TRIOBP: variants seen among roughly 807,000 people sequenced by gnomAD.
The protein encoded by TRIOBP is TRIO and F-actin binding protein.
A neutral mutation model predicts 238.8 loss-of-function variants in TRIOBP; 169 were observed. The observed-to-expected ratio is 0.71, with a 90% confidence interval of 0.62 to 0.80. TRIOBP has a LOEUF of 0.80. Among genes scored for constraint, TRIOBP ranks in the 30% least tolerant of loss-of-function variants. The probability of loss-of-function intolerance (pLI) is 0.00; values close to 1 mark genes in which losing one functional copy is unlikely to be tolerated. For missense variants in TRIOBP, 2,838 were observed against 3,122.6 expected (o/e 0.91, Z 2.17); for synonymous variants, 1,150 against 1,274.4 (o/e 0.90, Z 2.08).
intron 8 of TRIOBP, 23 bp from the exon 9 acceptor site, chr22:37,734,376 C>T: frequency 6.2e-7 from 1 of 1,608,294 alleles, no homozygotes; most frequent in South Asian, 1.1e-5. Context: ...AGAGCCTCAC[C>T]TACCCCCTCA....
At chr22:37,745,899 C>T (rs568603420) in intron 11 of TRIOBP, among the ~76,000 whole-genome samples, 5 of 152,264 alleles carry the variant, frequency 3.3e-5, no homozygotes, top group African/African-American at 1.2e-4. Flanking sequence ...GTGCCCACGC[C>T]CGGCCGCCCG....
chr22:37,773,392 C>T (rs1926881080), intron 23 of TRIOBP, among the ~76,000 whole-genome samples: 1 of 152,074 alleles, frequency 6.6e-6, no homozygotes, highest in Non-Finnish European at 1.5e-5. Flanking sequence ...ATAATTTTTG[C>T]ACTTTTTGTA....
chr22:37,750,306 G>A (rs1345600362), intron 11 of TRIOBP, among the ~76,000 whole-genome samples: 1 of 152,236 alleles, frequency 6.6e-6, no homozygotes, highest in African/African-American at 2.4e-5. Context: ...AGCTCTGTGG[G>A]CCCAGGAAGC....
rs1396658487 is a variant in TRIOBP at position 37,726,295 on chromosome 22, G to A, written c.3739G>A (p.Gly1247Ser). 1.2e-6 allele frequency: 2 copies of A among 1,612,800 alleles called. No individual in the cohort carries two copies. Among genetic ancestry groups the A allele is most frequent in the African/African-American group, 2.7e-5 (2 of 74,936 alleles). Residue 1247 changes from glycine (G) to serine (S), a missense_variant, in exon 7 of 24, where the codon GGC (glycine) becomes AGC (serine). Coordinates refer to ENST00000644935, the MANE Select transcript of TRIOBP (RefSeq NM_001039141.3). ...LAFLAPSPSP[G>S]SSGGSRGSAP... is the part of the protein sequence containing the mutation. ...GTTCCTGGCACCCTCACCTTCACCG[G>A]GCAGCTCTGGGGGCTCCCGGGGCTC...
At position 37,771,951 on chromosome 22, in the gene TRIOBP, T is replaced by A. The variant is rs1013739890; in HGVS notation, c.6936+215T>A. The A allele has an allele frequency of 8.9e-6, 6 of 673,978 alleles. No individual in the cohort carries two copies. The African/African-American group carries it at 1.1e-4, about 12-fold the overall frequency. 41.7% of individuals were successfully genotyped at this position (673,978 alleles called of 1,614,324 possible). A position where few individuals can be genotyped will look rare whatever the true frequency, so the allele number is the denominator to read the frequency against. ...GACTTCCCCAAGGCTGTACTTGGCT[T>A]CTGTTTATTTAGCATTATTTAATTT... On this transcript the variant is annotated intron_variant, in intron 22 of 23. Transcript: ENST00000644935.
intron 16 of TRIOBP, 40 bp from the exon 17 acceptor site, chr22:37,759,114 C>G: frequency 6.5e-7 from 1 of 1,547,916 alleles, no homozygotes; most frequent in Non-Finnish European, 8.8e-7. Context: ...CAGCCCTGCC[C>G]CAGCTTCCAG....
At chr22:37,710,359 G>A (rs1923171425) in intron 3 of TRIOBP, 68 bp from the exon 4 acceptor site, 1 of 1,603,620 alleles carries the variant, frequency 6.2e-7, no homozygotes, top group South Asian at 1.1e-5. Context: ...CACCGGGAGG[G>A]GCTGTGCAGG....
intron 3 of TRIOBP, among the ~76,000 whole-genome samples, chr22:37,706,621 T>C (rs1922954142): frequency 1.3e-5 from 2 of 151,878 alleles, no homozygotes; most frequent in Admixed American, 6.6e-5. Context: ...TGAGATCCCA[T>C]CTCTACAAAA....
In TRIOBP at chr22:37,725,811, C is replaced by A; in HGVS notation, c.3255C>A (p.Phe1085Leu). 2 of 1,601,972 alleles carry A rather than the reference C, an allele frequency of 1.2e-6. No homozygotes were observed. Among genetic ancestry groups the A allele is most frequent in the Non-Finnish European group, 1.7e-6 (2 of 1,173,772 alleles). Residue 1085 changes from phenylalanine (F) to leucine (L), a missense_variant, in exon 7 of 24, where the codon TTC (phenylalanine) becomes TTA (leucine). This residue lies in a region of TRIOBP where 2,096 missense variants were observed against 2,137.4 expected (regional missense o/e 0.98). Transcript: ENST00000644935. Reference protein sequence around the residue: ...SPPRHTQFDPFPFLPDTSDAE... With the variant: ...SPPRHTQFDPLPFLPDTSDAE... ...CCCGCCACACCCAATTTGACCCCTT[C>A]CCCTTCCTCCCAGACACATCAGATG... is the stretch of plus-strand genomic sequence containing the variant.
intron 6 of TRIOBP, among the ~76,000 whole-genome samples, chr22:37,719,393 CG>C (rs1923704895): frequency 6.6e-6 from 1 of 151,718 alleles, no homozygotes. Flanking sequence ...GGCTGGGGAG[CG>C]GATGGGCCCA....
intron 17 of TRIOBP, among the ~76,000 whole-genome samples, chr22:37,760,708 C>T (rs1926196017): frequency 6.6e-6 from 1 of 152,206 alleles, no homozygotes; most frequent in Admixed American, 6.5e-5. Context: ...GGCGCAGTGG[C>T]TCACGCCTGT....
In TRIOBP at chr22:37,734,640, G is replaced by A. The variant is rs1274297507; in HGVS notation, c.4304G>A (p.Gly1435Glu). 1 of 1,592,010 alleles carries A rather than the reference G, an allele frequency of 6.3e-7. No homozygotes were observed. The highest frequency in any genetic ancestry group is 8.5e-7 in the Non-Finnish European group (1 of 1,169,852). The change falls in exon 9 of 24, where the codon GGG becomes GAG. Residue 1435 changes from glycine to glutamate, a missense_variant. By Grantham distance (98) the Gly-to-Glu change is moderately conservative (BLOSUM62 -2). This residue lies in a region of TRIOBP where 2,096 missense variants were observed against 2,137.4 expected (regional missense o/e 0.98). Coordinates refer to ENST00000644935, the MANE Select transcript of TRIOBP (RefSeq NM_001039141.3). ...GVWQSQEEPP[G>E]SQGPHRHLER... ...TGGCAGAGTCAGGAGGAACCGCCAG[G>A]GTCCCAGGGCCCTCATAGACACCTA...
chr22:37,747,335 G>A (rs1447861805), intron 11 of TRIOBP, among the ~76,000 whole-genome samples: 2 of 152,198 alleles, frequency 1.3e-5, no homozygotes, highest in Admixed American at 1.3e-4. Context: ...TTTCTGGCTA[G>A]TGCTTCAGGG....
chr22:37,700,173 G>A (rs980538412), intron 2 of TRIOBP, among the ~76,000 whole-genome samples: 14 of 152,102 alleles, frequency 9.2e-5, no homozygotes, highest in Admixed American at 5.9e-4. Context: ...CACCGCCCTC[G>A]GCTGGAATCA....
In TRIOBP at chr22:37,734,803, G is replaced by T. The variant is rs1432986851; in HGVS notation, c.4467G>T (p.Gly1489=). The T allele has an allele frequency of 6.2e-7, 1 of 1,612,262 alleles. No individual in the cohort carries two copies. The highest frequency in any genetic ancestry group is 1.3e-5 in the African/African-American group (1 of 74,904). The change falls in exon 9 of 24, where the codon GGG becomes GGT. Residue 1489 remains glycine, a synonymous_variant. Transcript: ENST00000644935. ...CCAGGGAGTACAAGGAGAGCTGGGGGCAGCCAGAGGCCTGGGAGGAGAAGC... is the reference window on the plus strand; with the variant it reads ...CCAGGGAGTACAAGGAGAGCTGGGGTCAGCCAGAGGCCTGGGAGGAGAAGC... ...GTSREYKESW[G]QPEAWEEKPT... is the part of the protein sequence containing the mutation.
At position 37,751,542 on chromosome 22, in the gene TRIOBP, A is replaced by G. The variant is rs989445134; in HGVS notation, c.5323-230A>G. 1.6e-4 allele frequency: 93 copies of G among 580,152 alleles called. No individual in the cohort carries two copies. The African/African-American group carries it at 1.6e-3, about 10-fold the overall frequency. The allele number at this position is 580,152 out of a possible 1,614,324, so 35.9% of individuals were successfully genotyped here. ...GTGTGTGTGCCAGCCACCCAGCCCAACTTCTTGGCTCTCTGAGTGCCACTA... is the reference window on the plus strand; with the variant it reads ...GTGTGTGTGCCAGCCACCCAGCCCAGCTTCTTGGCTCTCTGAGTGCCACTA... On this transcript the variant is annotated intron_variant, in intron 11 of 23. Transcript: ENST00000644935.
chr22:37,765,606 C>T, intron 17 of TRIOBP, 64 bp from the exon 18 acceptor site: 1 of 1,544,776 alleles, frequency 6.5e-7, no homozygotes, highest in Admixed American at 2.0e-5. Flanking sequence ...CCTCTGGAGG[C>T]TGGGGAAGGG....
At chr22:37,729,544 C>T (rs1288319853) in intron 7 of TRIOBP, among the ~76,000 whole-genome samples, 1 of 152,170 alleles carries the variant, frequency 6.6e-6, no homozygotes, top group Non-Finnish European at 1.5e-5. Context: ...TTTGTCTTAA[C>T]TAATAACTCA....
chr22:37,755,021 G>T (rs963165312), intron 13 of TRIOBP, 37 bp downstream of exon 13: 21 of 1,610,472 alleles, frequency 1.3e-5, no homozygotes, highest in Non-Finnish European at 1.8e-5. Context: ...CCCCGGAAGG[G>T]CCTGGGGTGG....
Sources: gnomAD v4.1 joint callset for allele counts (sites outside exome capture counted in the v4.1 genomes callset) on GRCh38, gnomAD v4.1.1 for gene constraint, gnomAD v4.1.1 regional missense constraint, MANE v1.5 for transcripts, NCBI Gene and HGNC (gene_info 2026-07-23, HGNC 2026-07-21) for gene names.